RGS6: variants seen among roughly 807,000 people sequenced by gnomAD.
RGS6 encodes the protein regulator of G protein signaling 6.
Under a neutral mutation model 78.5 loss-of-function variants are expected in RGS6, and 30 were observed. The ratio of observed to expected loss-of-function variants is 0.38; its 90% CI spans 0.29 to 0.52. The LOEUF is 0.52. Among genes scored for constraint, RGS6 ranks in the 20% least tolerant of loss-of-function variants. The pLI is 0.85. For missense variants in RGS6, 495 were observed against 609.7 expected, an observed-to-expected ratio of 0.81 and a Z score of 1.98; for synonymous variants, 206 against 206.0, an observed-to-expected ratio of 1.00 and a Z score of 0.00.
intron 3 of RGS6, among the ~76,000 whole-genome samples, chr14:72,415,842 G>A (rs1269045530): frequency 6.6e-6 from 1 of 152,096 alleles, no homozygotes; most frequent in Non-Finnish European, 1.5e-5. Flanking sequence ...ACTTGTATAA[G>A]AACTAAAAGC....
At chr14:72,536,621 A>T (rs1201439670) in intron 16 of RGS6, among the ~76,000 whole-genome samples, 1 of 152,074 alleles carries the variant, frequency 6.6e-6, no homozygotes, top group Non-Finnish European at 1.5e-5. Flanking sequence ...CCCTTAGGAC[A>T]CTGGAGAGAG....
chr14:72,451,883 G>C (rs575417713), intron 3 of RGS6, among the ~76,000 whole-genome samples: 100 of 152,220 alleles, frequency 6.6e-4, no homozygotes, highest in African/African-American at 2.3e-3. Context: ...CTCCCGAGTA[G>C]CTGGGACTCA....
the RGS6 span, among the ~76,000 whole-genome samples, chr14:72,621,281 C>G: frequency 6.6e-6 from 1 of 152,224 alleles, no homozygotes; most frequent in Non-Finnish European, 1.5e-5. Context: ...ATCACTGCAT[C>G]CACTGTAGAG....
At chr14:72,011,409 A>T (rs1373063136) in intron 2 of RGS6, among the ~76,000 whole-genome samples, 1 of 152,110 alleles carries the variant, frequency 6.6e-6, no homozygotes, top group Middle Eastern at 3.2e-3. Flanking sequence ...GAGGAGGGTG[A>T]ACTTTCTCTC....
the RGS6 span, among the ~76,000 whole-genome samples, chr14:72,611,054 G>C: frequency 6.6e-6 from 1 of 152,206 alleles, no homozygotes; most frequent in African/African-American, 2.4e-5. Context: ...GAGATCACCA[G>C]AATTCTCCTC....
intron 1 of RGS6, among the ~76,000 whole-genome samples, chr14:71,957,722 A>G (rs2092898185): frequency 6.6e-6 from 1 of 152,020 alleles, no homozygotes; most frequent in Non-Finnish European, 1.5e-5. Context: ...TCTCCCTCCT[A>G]GCTTAATTTT....
chr14:72,547,041 TG>T, intron 17 of RGS6: 1 of 803,052 alleles, frequency 1.2e-6, no homozygotes, highest in Non-Finnish European at 2.0e-6. Context: ...GGGAACTGTG[TG>T]GGCTCCCACC....
At chr14:72,220,314 G>C (rs2046561985) in intron 2 of RGS6, among the ~76,000 whole-genome samples, 1 of 151,938 alleles carries the variant, frequency 6.6e-6, no homozygotes, top group African/African-American at 2.4e-5. Context: ...TCCATGCCTG[G>C]TTTCCAGGCC....
At chr14:72,559,814 G>A (rs1246060564) in intron 17 of RGS6, among the ~76,000 whole-genome samples, 1 of 152,148 alleles carries the variant, frequency 6.6e-6, no homozygotes, top group African/African-American at 2.4e-5. Flanking sequence ...GTCAGGAAGA[G>A]AATAATTAGC....
At chr14:72,344,921 G>A (rs183206233) in intron 2 of RGS6, among the ~76,000 whole-genome samples, 69 of 152,256 alleles carry the variant, frequency 4.5e-4, no homozygotes, top group African/African-American at 1.5e-3. Context: ...GTTGTTTAAC[G>A]CAAGGTCTCG....
chr14:72,391,484 C>A (rs141002336), intron 3 of RGS6, among the ~76,000 whole-genome samples: 7 of 152,294 alleles, frequency 4.6e-5, no homozygotes, highest in African/African-American at 1.4e-4. Context: ...GTGACAGATC[C>A]GGATAGATCA....
At chr14:72,571,754 C>T in the RGS6 span, among the ~76,000 whole-genome samples, 9 of 151,992 alleles carry the variant, frequency 5.9e-5, no homozygotes, top group African/African-American at 2.2e-4. Flanking sequence ...TTGGATTGGG[C>T]AATGGTTTCT....
In RGS6 at chr14:72,224,687, G is replaced by A. The variant is rs551397887; in HGVS notation, c.85-127408G>A. 9.3e-4 allele frequency among the ~76,000 whole-genome samples: 142 copies of A among 152,176 alleles called. 1 individual carries two copies. Among genetic ancestry groups the A allele is most frequent in the African/African-American group, 3.4e-3 (140 of 41,526 alleles). Reference sequence around the variant, plus strand: ...GTACACTTTGTGAATCTGATGAAAGGCGTGGAACTTGATTCCCACAAATGT... The same window carrying A: ...GTACACTTTGTGAATCTGATGAAAGACGTGGAACTTGATTCCCACAAATGT... On this transcript the variant is annotated intron_variant, in intron 2 of 17. Coordinates refer to ENST00000553525, the MANE Select transcript of RGS6 (RefSeq NM_001204424.2).
chr14:71,911,185 A>C, the RGS6 span, among the ~76,000 whole-genome samples: 32 of 152,210 alleles, frequency 2.1e-4, no homozygotes, highest in African/African-American at 7.7e-4. Flanking sequence ...CATCAGGTGG[A>C]GATCTCGCTG....
intron 2 of RGS6, among the ~76,000 whole-genome samples, chr14:72,278,758 A>G (rs757385770): frequency 3.3e-5 from 5 of 152,120 alleles, no homozygotes; most frequent in Non-Finnish European, 4.4e-5. Flanking sequence ...AGGAAATCAG[A>G]TGTTGTCTCA....
At chr14:72,237,050 T>A (rs989686213) in intron 2 of RGS6, among the ~76,000 whole-genome samples, 3 of 152,194 alleles carry the variant, frequency 2.0e-5, no homozygotes, top group African/African-American at 7.2e-5. Flanking sequence ...CCTAGAACTG[T>A]ATACAGTTCT....
chr14:71,919,436 A>C, the RGS6 span, among the ~76,000 whole-genome samples: 1 of 151,942 alleles, frequency 6.6e-6, no homozygotes, highest in Non-Finnish European at 1.5e-5. Context: ...CTGTATTTTA[A>C]CCTGTATGTC....
At chr14:72,396,064 G>A (rs1390190994) in intron 3 of RGS6, among the ~76,000 whole-genome samples, 1 of 152,122 alleles carries the variant, frequency 6.6e-6, no homozygotes, top group Non-Finnish European at 1.5e-5. Flanking sequence ...GGGATGGCTG[G>A]GTCAAATGAT....
chr14:71,950,918 C>T (rs76076607), intron 1 of RGS6, among the ~76,000 whole-genome samples: 13,909 of 151,950 alleles, frequency 0.092, 878 homozygotes, highest in East Asian at 0.2. Flanking sequence ...AACATGCTGG[C>T]GAGGCTGAGG....
Sources: allele counts gnomAD v4.1 joint callset (sites outside exome capture counted in the v4.1 genomes callset), GRCh38; gene constraint gnomAD v4.1.1; transcripts MANE v1.5; gene names NCBI Gene and HGNC (gene_info 2026-07-23, HGNC 2026-07-21).